The following VAPB variants were observed in gnomAD, a reference collection of about 807,000 sequenced individuals.
VAPB encodes vesicle-associated membrane protein-associated protein B/C.
A neutral mutation model predicts 25.6 loss-of-function variants in VAPB; 7 were observed. The observed-to-expected ratio is 0.27, with a 90% confidence interval of 0.16 to 0.51. The LOEUF (loss-of-function observed/expected upper bound fraction) is 0.51, where lower values mean the gene tolerates loss of function less well. Among genes scored for constraint, VAPB ranks in the 20% least tolerant of loss-of-function variants. The pLI is 0.97. For synonymous variants in VAPB, 112 were observed against 109.2 expected, an observed-to-expected ratio of 1.03 and a Z score of -0.16; for missense variants, 266 against 301.3, an observed-to-expected ratio of 0.88 and a Z score of 0.87.
rs768037043 is a variant in VAPB at position 58,445,372 on chromosome 20, G to A, written c.*1137G>A. On this transcript the variant is annotated 3_prime_UTR_variant, in exon 6 of 6. Transcript: ENST00000475243. ...GATCGGGCTGCAGAGGGTTAGAAGC[G>A]AGGGCACCAGCAGTTGTGGGTGGGG... The A allele has an allele frequency of 3.1e-5, 14 of 454,478 alleles. No individual in the cohort carries two copies. The highest frequency in any genetic ancestry group is 6.0e-5 in the African/African-American group (3 of 49,994). The allele number at this position is 454,478 out of a possible 1,614,324, so 28.2% of individuals were successfully genotyped here.
At chr20:58,393,348 T>C (rs1369042183) in intron 1 of VAPB, among the ~76,000 whole-genome samples, 1 of 152,036 alleles carries the variant, frequency 6.6e-6, no homozygotes. Flanking sequence ...GTGTTTTCTT[T>C]TATATTTCTT....
intron 2 of VAPB, among the ~76,000 whole-genome samples, chr20:58,427,549 A>G (rs1253477679): frequency 1.3e-5 from 2 of 151,174 alleles, no homozygotes; most frequent in Non-Finnish European, 2.9e-5. Context: ...GATGCAGGCA[A>G]AAGTGATCTG....
At chr20:58,401,666 TTC>T (rs1188153499) in intron 1 of VAPB, among the ~76,000 whole-genome samples, 1 of 152,128 alleles carries the variant, frequency 6.6e-6, no homozygotes, top group Non-Finnish European at 1.5e-5. Flanking sequence ...CTTTCCCTGT[TTC>T]TCTCAGATTT....
chr20:58,437,818 G>A (rs1179496391), intron 3 of VAPB, among the ~76,000 whole-genome samples: 4 of 152,130 alleles, frequency 2.6e-5, no homozygotes, highest in African/African-American at 9.7e-5. Flanking sequence ...CATAATTTTT[G>A]TGGCAGTCCC....
At chr20:58,437,215 C>G (rs1020931858) in intron 3 of VAPB, among the ~76,000 whole-genome samples, 1 of 151,742 alleles carries the variant, frequency 6.6e-6, no homozygotes. Context: ...ATCCTCCTGC[C>G]TCTGCCTCTC....
Position 58,389,273 on chromosome 20 carries a change from C to A in VAPB, c.-187C>A. 2.9e-6 allele frequency: 2 copies of A among 698,494 alleles called. No individual in the cohort carries two copies. Among genetic ancestry groups the A allele is most frequent in the East Asian group, 2.9e-5 (1 of 35,012 alleles). 43.3% of individuals were successfully genotyped at this position (698,494 alleles called of 1,614,324 possible). On this transcript the variant is annotated 5_prime_UTR_variant, in exon 1 of 6. Coordinates refer to ENST00000475243, the MANE Select transcript of VAPB (RefSeq NM_004738.5). ...GGCACCGCGGCCTCGCCCTCGCCCT[C>A]CGCCCCTGCGCCTGCACCGCGTAGA...
chr20:58,416,003 CT>C (rs1988532798), intron 1 of VAPB, among the ~76,000 whole-genome samples: 1 of 152,084 alleles, frequency 6.6e-6, no homozygotes, highest in African/African-American at 2.4e-5. Flanking sequence ...ACCCACGGGA[CT>C]TTGTTATTTT....
chr20:58,390,554 GACAA>G (rs1987770100), intron 1 of VAPB, among the ~76,000 whole-genome samples: 1 of 152,064 alleles, frequency 6.6e-6, no homozygotes, highest in South Asian at 2.1e-4. Flanking sequence ...GACGAGGACA[GACAA>G]ACCAACACAC....
intron 5 of VAPB, among the ~76,000 whole-genome samples, 192 bp from the exon 6 acceptor site, chr20:58,443,885 G>T (rs1989216022): frequency 6.6e-6 from 1 of 152,144 alleles, no homozygotes; most frequent in Non-Finnish European, 1.5e-5. Flanking sequence ...GAAAAGAGGG[G>T]ACTGTTTTCT....
At chr20:58,443,684 G>A (rs1386942506) in intron 5 of VAPB, among the ~76,000 whole-genome samples, 1 of 152,114 alleles carries the variant, frequency 6.6e-6, no homozygotes, top group Admixed American at 6.5e-5. Flanking sequence ...TTCATTAGAG[G>A]CAGGAAGGAC....
chr20:58,411,049 G>A (rs988260768), intron 1 of VAPB, among the ~76,000 whole-genome samples: 2 of 152,190 alleles, frequency 1.3e-5, no homozygotes, highest in African/African-American at 4.8e-5. Context: ...ATACCAAGGA[G>A]GGTGATTGCT....
rs1568697000 is a variant in VAPB, at chr20:58,395,813, A to G, written c.58+6296A>G. Among the ~76,000 whole-genome samples the G allele has an allele frequency of 2.0e-5, 3 of 152,158 alleles. No individual in the cohort carries two copies. In the South Asian group the frequency reaches 6.2e-4, roughly 32 times the overall value. On this transcript the variant is annotated intron_variant, in intron 1 of 5. Coordinates refer to ENST00000475243, the MANE Select transcript of VAPB (RefSeq NM_004738.5). ...GCGTTCTTTGAAGTTCTTACCTGAC[A>G]GATGTGGGCAGCTGGCTTTACACAA... is the stretch of plus-strand genomic sequence containing the variant.
chr20:58,439,374 G>A (rs1989113677), intron 4 of VAPB: 1 of 282,728 alleles, frequency 3.5e-6, no homozygotes, highest in Admixed American at 4.8e-5. Context: ...TATCATGGTG[G>A]TTGATGGACG....
Position 58,446,454 on chromosome 20 carries a change from A to T in VAPB, c.*2219A>T, listed in dbSNP as rs1486820434. 1 of 453,984 alleles carries T rather than the reference A, an allele frequency of 2.2e-6. No homozygotes were observed. Among genetic ancestry groups the T allele is most frequent in the Non-Finnish European group, 4.4e-6 (1 of 226,788 alleles). The allele number at this position is 453,984 out of a possible 1,614,324, so 28.1% of individuals were successfully genotyped here. A position where few individuals can be genotyped will look rare whatever the true frequency, so the allele number is the denominator to read the frequency against. ...AGGGCTCTATTTATTTTTAAAGGAT[A>T]TGGCCGTGTGTTTTGATAAAACTTT... On this transcript the variant is annotated 3_prime_UTR_variant, in exon 6 of 6. Coordinates refer to ENST00000475243, the MANE Select transcript of VAPB (RefSeq NM_004738.5).
intron 5 of VAPB, among the ~76,000 whole-genome samples, chr20:58,441,671 C>T (rs1233532288): frequency 2.6e-5 from 4 of 152,160 alleles, no homozygotes; most frequent in Non-Finnish European, 5.9e-5. Flanking sequence ...CCCCAAACAA[C>T]TCAAACTCTC....
chr20:58,409,307 A>G (rs751832610), intron 1 of VAPB, among the ~76,000 whole-genome samples: 22 of 152,360 alleles, frequency 1.4e-4, no homozygotes, highest in Middle Eastern at 3.4e-3. Flanking sequence ...GCAGAAAGCA[A>G]TAGGATACTT....
At chr20:58,437,914 G>C (rs562902687) in intron 3 of VAPB, among the ~76,000 whole-genome samples, 2 of 152,280 alleles carry the variant, frequency 1.3e-5, no homozygotes, top group Admixed American at 6.5e-5. Context: ...TTTTGGGAAG[G>C]GTTGAGGGCA....
chr20:58,437,843 A>T (rs540451548), intron 3 of VAPB, among the ~76,000 whole-genome samples: 3 of 152,292 alleles, frequency 2.0e-5, no homozygotes, highest in South Asian at 2.1e-4. Context: ...GGTCAGATGT[A>T]TAGATTGCTT....
At chr20:58,396,303 T>C (rs914608831) in intron 1 of VAPB, among the ~76,000 whole-genome samples, 2 of 152,166 alleles carry the variant, frequency 1.3e-5, no homozygotes, top group Non-Finnish European at 2.9e-5. Flanking sequence ...TCGTGTTGTG[T>C]AGGGCACATT....
Sources: allele counts gnomAD v4.1 joint callset (sites outside exome capture counted in the v4.1 genomes callset), GRCh38; gene constraint gnomAD v4.1.1; transcripts MANE v1.5; gene names NCBI Gene and HGNC (gene_info 2026-07-23, HGNC 2026-07-21).